MLLT10: variants seen among roughly 807,000 people sequenced by gnomAD.
MLLT10 encodes protein AF-10.
MLLT10 carries 30 observed loss-of-function variants against 129.1 expected under a neutral mutation model. The ratio of observed to expected loss-of-function variants is 0.23; its 90% CI spans 0.17 to 0.32. MLLT10 has a LOEUF of 0.32. Ranked by LOEUF, MLLT10 falls within the 10% of genes least tolerant of loss-of-function variation. The pLI is 1.00. For synonymous variants in MLLT10, 490 were observed against 446.4 expected, an observed-to-expected ratio of 1.10 and a Z score of -1.23; for missense variants, 1,119 against 1,268.3, an observed-to-expected ratio of 0.88 and a Z score of 1.79.
At chr10:21,613,948 G>A (rs1042372273) in intron 6 of MLLT10, among the ~76,000 whole-genome samples, 2 of 151,698 alleles carry the variant, frequency 1.3e-5, no homozygotes, top group African/African-American at 4.8e-5. Flanking sequence ...TTAGCTGGGT[G>A]CAGTGGCTAT....
intron 8 of MLLT10, chr10:21,624,451 A>G (rs942695861): frequency 9.6e-6 from 5 of 519,238 alleles, no homozygotes; most frequent in South Asian, 3.5e-5. Flanking sequence ...TATATACACA[A>G]TAGTGATTTC....
intron 3 of MLLT10, chr10:21,557,746 G>A (rs1049584400): frequency 3.9e-5 from 6 of 151,982 alleles, no homozygotes; most frequent in African/African-American, 1.5e-4. Context: ...TGGATCATGT[G>A]CCCATCATCT....
intron 5 of MLLT10, among the ~76,000 whole-genome samples, chr10:21,610,311 G>A (rs1177085915): frequency 6.6e-6 from 1 of 152,164 alleles, no homozygotes; most frequent in East Asian, 1.9e-4. Context: ...CAGCCTGGCC[G>A]TCATAGGGTA....
chr10:21,540,565 T>A (rs1029730319), intron 3 of MLLT10, among the ~76,000 whole-genome samples: 1 of 151,930 alleles, frequency 6.6e-6, no homozygotes, highest in African/African-American at 2.4e-5. Flanking sequence ...GTGAGGGAGG[T>A]ATGTTTATCC....
At chr10:21,686,668 A>G (rs1208435426) in intron 13 of MLLT10, among the ~76,000 whole-genome samples, 1 of 152,168 alleles carries the variant, frequency 6.6e-6, no homozygotes, top group Non-Finnish European at 1.5e-5. Flanking sequence ...TAAACTCAAT[A>G]TCTATGACTG....
At chr10:21,640,679 T>C (rs2047918490) in intron 8 of MLLT10, among the ~76,000 whole-genome samples, 1 of 152,184 alleles carries the variant, frequency 6.6e-6, no homozygotes, top group Non-Finnish European at 1.5e-5. Flanking sequence ...TTCTGTCTTC[T>C]GAGGCTATTC....
chr10:21,742,830 G>A lies in MLLT10; in HGVS notation c.*847G>A, dbSNP rs901515181. 8.8e-6 allele frequency: 2 copies of A among 228,064 alleles called. No individual in the cohort carries two copies. Among genetic ancestry groups the A allele is most frequent in the African/African-American group, 2.2e-5 (1 of 45,046 alleles). The allele number at this position is 228,064 out of a possible 1,614,324, so 14.1% of individuals were successfully genotyped here. On this transcript the variant is annotated 3_prime_UTR_variant, in exon 23 of 23. Transcript: ENST00000307729. ...TGTAGACAGCAGGGTGGGACAGTCA[G>A]TCCTCCGAGCAGCAGGAATCATCCC...
intron 3 of MLLT10, among the ~76,000 whole-genome samples, chr10:21,542,503 G>A (rs2035351423): frequency 6.6e-6 from 1 of 152,244 alleles, no homozygotes; most frequent in Non-Finnish European, 1.5e-5. Context: ...CCGGGAGGCA[G>A]AGGTTGCAGT....
intron 9 of MLLT10, among the ~76,000 whole-genome samples, chr10:21,670,182 T>C (rs1229520104): frequency 6.6e-6 from 1 of 152,190 alleles, no homozygotes; most frequent in African/African-American, 2.4e-5. Flanking sequence ...ATATAACTAA[T>C]ACATACTTTT....
chr10:21,664,971 A>T, intron 9 of MLLT10, among the ~76,000 whole-genome samples: 1 of 128,500 alleles, frequency 7.8e-6, no homozygotes, highest in East Asian at 2.3e-4. Flanking sequence ...TTTGAGATAG[A>T]GTCTCGCTCT....
At chr10:21,684,520 T>G (rs1345011084) in intron 13 of MLLT10, among the ~76,000 whole-genome samples, 2 of 152,192 alleles carry the variant, frequency 1.3e-5, no homozygotes, top group Non-Finnish European at 2.9e-5. Context: ...AGCTTTTTTC[T>G]ATTATTGATC....
At chr10:21,678,079 T>C (rs529732530) in intron 11 of MLLT10, among the ~76,000 whole-genome samples, 72 of 152,166 alleles carry the variant, frequency 4.7e-4, no homozygotes, top group Non-Finnish European at 9.0e-4. Context: ...GTAAGACATA[T>C]TACTTTATTT....
At chr10:21,687,985 A>G (rs1589647406) in intron 13 of MLLT10, among the ~76,000 whole-genome samples, 1 of 152,210 alleles carries the variant, frequency 6.6e-6, no homozygotes, top group African/African-American at 2.4e-5. Flanking sequence ...TTCCATTTCA[A>G]AGTATCCAGG....
At chr10:21,738,551 C>CTTAACGTAGGTGAGGATTT in intron 21 of MLLT10, 1 of 1,276,654 alleles carries the variant, frequency 7.8e-7, no homozygotes, top group Non-Finnish European at 1.0e-6. Flanking sequence ...AGGGATCAAA[C>CTTAACGTAGGTGAGGATTT]TTAACGTAGG....
At chr10:21,642,298 G>A (rs1425804627) in intron 8 of MLLT10, among the ~76,000 whole-genome samples, 1 of 152,178 alleles carries the variant, frequency 6.6e-6, no homozygotes, top group Non-Finnish European at 1.5e-5. Flanking sequence ...GTTGCAGTGA[G>A]CTGAAATCGT....
chr10:21,581,282 C>T (rs999395766), intron 3 of MLLT10, among the ~76,000 whole-genome samples: 3 of 151,766 alleles, frequency 2.0e-5, no homozygotes, highest in Admixed American at 1.3e-4. Context: ...CTCCTGACCT[C>T]GTGATTGCCT....
At chr10:21,670,850 T>A (rs1435775153) in intron 10 of MLLT10, 146 bp downstream of exon 10, 3 of 884,784 alleles carry the variant, frequency 3.4e-6, no homozygotes, top group Non-Finnish European at 4.8e-6. Flanking sequence ...AAGATTACTT[T>A]AAAGATAGTG....
At chr10:21,625,017 C>A (rs1286975215) in intron 8 of MLLT10, 29 of 993,662 alleles carry the variant, frequency 2.9e-5, no homozygotes, top group Middle Eastern at 4.2e-4. Flanking sequence ...ACCATCATAG[C>A]CATAGTAGGG....
chr10:21,552,251 T>C (rs1367505872), intron 3 of MLLT10, among the ~76,000 whole-genome samples: 1 of 152,044 alleles, frequency 6.6e-6, no homozygotes, highest in African/African-American at 2.4e-5. Context: ...GACAAAAATA[T>C]ACAGCAGTGT....
Sources: allele counts gnomAD v4.1 joint callset (sites outside exome capture counted in the v4.1 genomes callset), GRCh38; gene constraint gnomAD v4.1.1; transcripts MANE v1.5; gene names NCBI Gene and HGNC (gene_info 2026-07-23, HGNC 2026-07-21).